The following SYT1 variants were observed in gnomAD, a reference collection of about 807,000 sequenced individuals.
The protein encoded by SYT1 is synaptotagmin 1, also known as synaptotagmin-1.
SYT1 carries 8 observed loss-of-function variants against 44.8 expected under a neutral mutation model. The ratio of observed to expected loss-of-function variants is 0.18; its 90% confidence interval spans 0.10 to 0.32. SYT1 has a LOEUF of 0.32. Ranked by LOEUF, SYT1 falls within the 10% of genes least tolerant of loss-of-function variation. The probability of loss-of-function intolerance (pLI) is 1.00; values close to 1 mark genes in which losing one functional copy is unlikely to be tolerated. For synonymous variants in SYT1, 154 were observed against 188.8 expected (o/e 0.82, Z 1.51); for missense variants, 286 against 509.3 (o/e 0.56, Z 4.22).
chr12:79,216,743 AAT>A (rs1874831192), intron 3 of SYT1, among the ~76,000 whole-genome samples: 1 of 152,184 alleles, frequency 6.6e-6, no homozygotes, highest in African/African-American at 2.4e-5. Context: ...AATAAAATAA[AAT>A]ATTCTAATTA....
intron 1 of SYT1, among the ~76,000 whole-genome samples, chr12:78,903,114 G>A (rs762206675): frequency 6.6e-6 from 1 of 151,750 alleles, no homozygotes; most frequent in Non-Finnish European, 1.5e-5. Flanking sequence ...AAAGTAGTAT[G>A]GCAGTTCATA....
rs1955817527 is a variant in SYT1 at position 79,426,413 on chromosome 12, T to C, written c.929-17660T>C. ...CAATTATTCAAGGAAAAAAAAAACA[T>C]ATTTCACAGCCTTTAATTAGATAAA... On this transcript the variant is annotated intron_variant, in intron 9 of 10. Transcript: ENST00000261205. Among the ~76,000 whole-genome samples, 4 of 152,070 alleles carry C rather than the reference T, an allele frequency of 2.6e-5. No individual in the cohort carries two copies. The South Asian group carries it at 8.3e-4, about 31-fold the overall frequency.
chr12:78,897,397 ATTGTT>A (rs370586558), intron 1 of SYT1, among the ~76,000 whole-genome samples: 4 of 151,940 alleles, frequency 2.6e-5, no homozygotes, highest in African/African-American at 7.2e-5. Flanking sequence ...CAGAAGCTAG[ATTGTT>A]TTGTTTTGTT....
chr12:79,016,146 A>T (rs1427031725), intron 2 of SYT1, among the ~76,000 whole-genome samples: 1 of 152,182 alleles, frequency 6.6e-6, no homozygotes, highest in East Asian at 1.9e-4. Context: ...AGACAGTTAA[A>T]AACAGAAGTT....
At chr12:79,069,711 A>T (rs760503867) in intron 3 of SYT1, among the ~76,000 whole-genome samples, 1 of 152,124 alleles carries the variant, frequency 6.6e-6, no homozygotes, top group Non-Finnish European at 1.5e-5. Context: ...TGAAATAAGG[A>T]TATAGTCAGA....
chr12:79,005,105 T>C (rs1870992485), intron 2 of SYT1, among the ~76,000 whole-genome samples: 1 of 152,054 alleles, frequency 6.6e-6, no homozygotes, highest in South Asian at 2.1e-4. Flanking sequence ...AAGGCTTCTC[T>C]GTGACTATGC....
At chr12:79,065,756 T>C (rs531704389) in intron 3 of SYT1, among the ~76,000 whole-genome samples, 4 of 152,310 alleles carry the variant, frequency 2.6e-5, no homozygotes, top group African/African-American at 9.6e-5. Flanking sequence ...GTCAAAATGA[T>C]ACAATTTCTC....
At chr12:79,168,985 C>T (rs1193282537) in intron 3 of SYT1, among the ~76,000 whole-genome samples, 1 of 151,978 alleles carries the variant, frequency 6.6e-6, no homozygotes, top group East Asian at 1.9e-4. Context: ...TTGCAGCAAT[C>T]ACCAGTTGAA....
At chr12:79,170,749 G>T (rs930802688) in intron 3 of SYT1, among the ~76,000 whole-genome samples, 14 of 152,116 alleles carry the variant, frequency 9.2e-5, no homozygotes, top group Admixed American at 9.2e-4. Flanking sequence ...ATTGCTTTTG[G>T]TATCTTCATC....
At chr12:79,045,099 G>A (rs1016942655) in intron 2 of SYT1, among the ~76,000 whole-genome samples, 15 of 152,110 alleles carry the variant, frequency 9.9e-5, no homozygotes, top group Non-Finnish European at 1.9e-4. Flanking sequence ...GCCCCCAGAG[G>A]TGGAGCCTAC....
chr12:79,443,185 G>A (rs944919321), intron 9 of SYT1, among the ~76,000 whole-genome samples: 1 of 152,022 alleles, frequency 6.6e-6, no homozygotes, highest in Non-Finnish European at 1.5e-5. Context: ...AGTGTGTACC[G>A]GTCTCTTCTC....
chr12:79,379,301 C>A (rs139755297), intron 9 of SYT1, among the ~76,000 whole-genome samples: 1 of 152,214 alleles, frequency 6.6e-6, no homozygotes, highest in African/African-American at 2.4e-5. Flanking sequence ...CAAATTGAAA[C>A]CCTGTCGTTT....
intron 9 of SYT1, among the ~76,000 whole-genome samples, chr12:79,417,918 T>A (rs1443476639): frequency 1.3e-5 from 2 of 152,094 alleles, no homozygotes; most frequent in Non-Finnish European, 2.9e-5. Flanking sequence ...TGGGGCCCGA[T>A]GTTCTGCATT....
At chr12:79,151,948 T>C (rs1322218433) in intron 3 of SYT1, among the ~76,000 whole-genome samples, 1 of 152,098 alleles carries the variant, frequency 6.6e-6, no homozygotes, top group East Asian at 1.9e-4. Flanking sequence ...CAGAAATGTA[T>C]AGATAGTAAA....
intron 8 of SYT1, among the ~76,000 whole-genome samples, chr12:79,306,169 TTAAA>T (rs1309447184): frequency 1.3e-5 from 2 of 152,360 alleles, no homozygotes; most frequent in Admixed American, 6.5e-5. Context: ...TCCAAAGTGC[TTAAA>T]TAAATATTTT....
At chr12:79,352,084 G>A (rs1237561697) in intron 8 of SYT1, among the ~76,000 whole-genome samples, 2 of 151,740 alleles carry the variant, frequency 1.3e-5, no homozygotes, top group Non-Finnish European at 2.9e-5. Flanking sequence ...CATTACTTTA[G>A]CAGAAAGAGG....
intron 1 of SYT1, among the ~76,000 whole-genome samples, chr12:78,965,839 G>T (rs1029609858): frequency 2.6e-5 from 4 of 152,090 alleles, no homozygotes; most frequent in Admixed American, 6.6e-5. Flanking sequence ...AGCACTTTGG[G>T]AGGCTGAGGT....
At chr12:79,335,626 A>G (rs1882056253) in intron 8 of SYT1, among the ~76,000 whole-genome samples, 1 of 151,984 alleles carries the variant, frequency 6.6e-6, no homozygotes, top group African/African-American at 2.4e-5. Context: ...CCTCCATTCA[A>G]TCAACAATAG....
chr12:79,421,347 T>A (rs1191371142), intron 9 of SYT1, among the ~76,000 whole-genome samples: 1 of 152,146 alleles, frequency 6.6e-6, no homozygotes, highest in Non-Finnish European at 1.5e-5. Flanking sequence ...CTCTTTTATA[T>A]GCTGGTGTGT....
Sources: gnomAD v4.1 joint callset for allele counts (sites outside exome capture counted in the v4.1 genomes callset) on GRCh38, gnomAD v4.1.1 for gene constraint, MANE v1.5 for transcripts, NCBI Gene and HGNC (gene_info 2026-07-23, HGNC 2026-07-21) for gene names.